The following PDE3A variants were observed in gnomAD, a reference collection of about 807,000 sequenced individuals.
PDE3A encodes the protein phosphodiesterase 3A.
PDE3A carries 43 observed loss-of-function variants against 98.3 expected under a neutral mutation model. The observed-to-expected ratio is 0.44, with a 90% CI of 0.34 to 0.56. PDE3A has a LOEUF of 0.56. Among genes scored for constraint, PDE3A ranks in the 20% least tolerant of loss-of-function variants. The probability of loss-of-function intolerance (pLI) is 0.01; values close to 1 mark genes in which losing one functional copy is unlikely to be tolerated. For synonymous variants in PDE3A, 663 were observed against 567.9 expected (o/e 1.17, Z -2.38); for missense variants, 1,427 against 1,440.7 (o/e 0.99, Z 0.15).
At chr12:20,475,812 C>T (rs939346164) in intron 1 of PDE3A, among the ~76,000 whole-genome samples, 3 of 151,996 alleles carry the variant, frequency 2.0e-5, no homozygotes, top group African/African-American at 7.2e-5. Context: ...AAATGGGATT[C>T]AAATGGGCTG....
intron 1 of PDE3A, among the ~76,000 whole-genome samples, chr12:20,474,322 A>G (rs1215901092): frequency 6.6e-6 from 1 of 152,046 alleles, no homozygotes; most frequent in East Asian, 1.9e-4. Flanking sequence ...TATTTTCGAT[A>G]TGTGTCTTTT....
At chr12:20,511,671 C>T (rs994303558) in intron 1 of PDE3A, among the ~76,000 whole-genome samples, 1 of 152,024 alleles carries the variant, frequency 6.6e-6, no homozygotes, top group Non-Finnish European at 1.5e-5. Context: ...ATATTGTCCT[C>T]CTTAAGGATG....
Position 20,547,288 on chromosome 12 carries a change from A to G in PDE3A, c.961-9372A>G, listed in dbSNP as rs571174798. ...CTATTCTAAGCTTCTTTATAGCTTT[A>G]TCATCACCTGGTATACTATGTTTCT... On this transcript the variant is annotated intron_variant, in intron 1 of 15. Transcript: ENST00000359062. Among the ~76,000 whole-genome samples the G allele has an allele frequency of 2.0e-5, 3 of 152,230 alleles. 1 individual carries two copies. In the South Asian group the frequency reaches 6.2e-4, roughly 32 times the overall value.
intron 1 of PDE3A, among the ~76,000 whole-genome samples, chr12:20,455,284 C>A (rs1425280501): frequency 6.6e-6 from 1 of 152,054 alleles, no homozygotes; most frequent in Non-Finnish European, 1.5e-5. Context: ...TGTTCATGTT[C>A]TTTGCCCACT....
At chr12:20,480,719 A>G (rs546342268) in intron 1 of PDE3A, among the ~76,000 whole-genome samples, 1 of 152,232 alleles carries the variant, frequency 6.6e-6, no homozygotes, top group African/African-American at 2.4e-5. Flanking sequence ...AAGTGAATTC[A>G]TTCAGCTTAA....
intron 1 of PDE3A, among the ~76,000 whole-genome samples, chr12:20,508,744 G>A (rs1277549016): frequency 6.6e-6 from 1 of 151,208 alleles, no homozygotes; most frequent in East Asian, 1.9e-4. Flanking sequence ...AAAGCTCATT[G>A]TGATGATCAA....
intron 1 of PDE3A, among the ~76,000 whole-genome samples, chr12:20,395,688 T>TTTTA (rs10636283): frequency 1.4e-5 from 2 of 143,422 alleles, no homozygotes; most frequent in Non-Finnish European, 3.0e-5. Context: ...AATAGAATCA[T>TTTTA]TATATATATA....
At chr12:20,576,822 G>A (rs1294900312) in intron 2 of PDE3A, among the ~76,000 whole-genome samples, 7 of 151,976 alleles carry the variant, frequency 4.6e-5, no homozygotes, top group South Asian at 2.1e-4. Context: ...TTGGCTTCTC[G>A]TTTTTTAAAT....
At chr12:20,373,750 C>A (rs1943522525) in intron 1 of PDE3A, among the ~76,000 whole-genome samples, 1 of 152,058 alleles carries the variant, frequency 6.6e-6, no homozygotes, top group Non-Finnish European at 1.5e-5. Context: ...CAACATCATC[C>A]ATTTTGATCT....
intron 1 of PDE3A, among the ~76,000 whole-genome samples, chr12:20,402,059 C>T (rs12299821): frequency 3.3e-5 from 5 of 151,926 alleles, no homozygotes; most frequent in Non-Finnish European, 7.4e-5. Flanking sequence ...ATCTGTGGAG[C>T]TTTGTGGATA....
In PDE3A at chr12:20,449,564, C is replaced by T. The variant is rs576827683; in HGVS notation, c.960+79320C>T. On this transcript the variant is annotated intron_variant, in intron 1 of 15. Coordinates refer to ENST00000359062, the MANE Select transcript of PDE3A (RefSeq NM_000921.5). ...GGCACGTGTCAGTTTCCACAGAGTC[C>T]TTCCATGTGGGGTATCTGAATGCAC... is the stretch of plus-strand genomic sequence containing the variant. 7.2e-4 allele frequency: 206 copies of T among 286,230 alleles called. 5 individuals carry two copies. The highest frequency in any genetic ancestry group is 9.0e-5 in the Non-Finnish European group (13 of 144,106). 17.7% of individuals were successfully genotyped at this position (286,230 alleles called of 1,614,324 possible). A position where few individuals can be genotyped will look rare whatever the true frequency, so the allele number is the denominator to read the frequency against.
chr12:20,412,732 T>A (rs1944356217), intron 1 of PDE3A, among the ~76,000 whole-genome samples: 1 of 152,210 alleles, frequency 6.6e-6, no homozygotes, highest in Non-Finnish European at 1.5e-5. Context: ...ACTCTCCTTA[T>A]CTTTTTCTGA....
At chr12:20,670,737 G>C (rs1331385648) in intron 15 of PDE3A, among the ~76,000 whole-genome samples, 1 of 140,878 alleles carries the variant, frequency 7.1e-6, no homozygotes, top group Non-Finnish European at 1.5e-5. Context: ...ATGCCCACAA[G>C]AGAAAGCAGG....
Position 20,650,582 on chromosome 12 carries a change from C to G in PDE3A, c.2907C>G (p.Val969=). Residue 969 remains valine, a synonymous_variant, in exon 14 of 16, where the codon GTC becomes GTG. Coordinates refer to ENST00000359062, the MANE Select transcript of PDE3A (RefSeq NM_000921.5). ...ATCTTCAGTGGACAGATGGTATTGTCAATGAATTTTATGAACAGGTAACTG... is the reference window on the plus strand; with the variant it reads ...ATCTTCAGTGGACAGATGGTATTGTGAATGAATTTTATGAACAGGTAACTG... The part of the protein sequence containing the change: ...ELHLQWTDGI[V]NEFYEQGDEE... The G allele has an allele frequency of 6.2e-7, 1 of 1,610,406 alleles. No individual in the cohort carries two copies. The highest frequency in any genetic ancestry group is 8.5e-7 in the Non-Finnish European group (1 of 1,177,270).
At chr12:20,540,684 T>G (rs989079222) in intron 1 of PDE3A, among the ~76,000 whole-genome samples, 1 of 152,156 alleles carries the variant, frequency 6.6e-6, no homozygotes, top group Middle Eastern at 3.4e-3. Flanking sequence ...AATTTAAGAA[T>G]TAGAATTGTG....
Position 20,611,986 on chromosome 12 carries a change from T to C in PDE3A, c.1012-1457T>C, listed in dbSNP as rs575881935. Among the ~76,000 whole-genome samples the C allele has an allele frequency of 2.0e-5, 3 of 152,042 alleles. No homozygotes were observed. In the East Asian group the frequency reaches 5.8e-4, roughly 29 times the overall value. On this transcript the variant is annotated intron_variant, in intron 2 of 15. Transcript: ENST00000359062. ...CTTTGTGTTATTGTTTTTATATGTT[T>C]AGATATTTGTAGAAGTATTTCTTTC...
intron 1 of PDE3A, among the ~76,000 whole-genome samples, chr12:20,517,204 G>T (rs1232069900): frequency 6.6e-6 from 1 of 152,150 alleles, no homozygotes; most frequent in Non-Finnish European, 1.5e-5. Flanking sequence ...TGTTGTACTT[G>T]TTATCATTAG....
chr12:20,538,752 C>T (rs1276251976), intron 1 of PDE3A, among the ~76,000 whole-genome samples: 7 of 152,090 alleles, frequency 4.6e-5, no homozygotes, highest in African/African-American at 7.2e-5. Context: ...TCAAGCAATC[C>T]TCCTGCCTCA....
chr12:20,431,217 G>A (rs1332360019), intron 1 of PDE3A, among the ~76,000 whole-genome samples: 1 of 152,114 alleles, frequency 6.6e-6, no homozygotes, highest in Non-Finnish European at 1.5e-5. Flanking sequence ...AGAATGAAAT[G>A]AGGCTGTAGG....
Sources: gnomAD v4.1 joint callset for allele counts (sites outside exome capture counted in the v4.1 genomes callset) on GRCh38, gnomAD v4.1.1 for gene constraint, MANE v1.5 for transcripts, NCBI Gene and HGNC (gene_info 2026-07-23, HGNC 2026-07-21) for gene names.